DDAH1: variants seen among roughly 807,000 people sequenced by gnomAD.
The protein encoded by DDAH1 is dimethylarginine dimethylaminohydrolase 1.
A neutral mutation model predicts 28.8 loss-of-function variants in DDAH1; 19 were observed. The ratio of observed to expected loss-of-function variants is 0.66; its 90% CI spans 0.46 to 0.97. The LOEUF is 0.97. DDAH1 is among the 50% of genes least tolerant of loss of function. DDAH1 has a pLI of 0.00. For synonymous variants in DDAH1, 153 were observed against 154.4 expected (o/e 0.99, Z 0.07); for missense variants, 326 against 375.9 (o/e 0.87, Z 1.10).
intron 1 of DDAH1, among the ~76,000 whole-genome samples, chr1:85,440,305 G>A (rs1654134442): frequency 6.6e-6 from 1 of 152,114 alleles, no homozygotes; most frequent in African/African-American, 2.4e-5. Context: ...TTAGCGGGGT[G>A]AGCCCTGAGT....
intron 1 of DDAH1, among the ~76,000 whole-genome samples, chr1:85,429,911 T>C (rs1461914327): frequency 6.6e-6 from 1 of 152,194 alleles, no homozygotes; most frequent in Non-Finnish European, 1.5e-5. Context: ...ATTAGCCCTT[T>C]GTCAGATGGA....
rs111937183 is a variant in DDAH1, at chr1:85,454,284, T to C, written c.303+10459A>G. The stretch of plus-strand genomic sequence containing the variant: ...GTGAAGCTGACAATCTTCCCCCTCT[T>C]CATGTTCCCCGATCACACCTACCAG... On this transcript the variant is annotated intron_variant, in intron 1 of 5. Transcript: ENST00000284031. Among the ~76,000 whole-genome samples, 160 of 152,294 alleles carry C rather than the reference T, an allele frequency of 1.1e-3. 2 individuals are homozygous for C. The highest frequency in any genetic ancestry group is 0.01 in the Middle Eastern group (3 of 294).
At chr1:85,351,330 A>G (rs1390115957) in intron 3 of DDAH1, among the ~76,000 whole-genome samples, 176 bp downstream of exon 3, 1 of 152,198 alleles carries the variant, frequency 6.6e-6, no homozygotes, top group Non-Finnish European at 1.5e-5. Context: ...AAGCTGAATT[A>G]TTGAGGAATT....
At chr1:85,530,349 G>A (rs1658050318) in intron 1 of DDAH1, among the ~76,000 whole-genome samples, 1 of 152,216 alleles carries the variant, frequency 6.6e-6, no homozygotes, top group Admixed American at 6.5e-5. Flanking sequence ...TGCCGTCACT[G>A]TCCTAAGTAT....
chr1:85,486,687 T>C (rs368966132), intron 2 of DDAH1, among the ~76,000 whole-genome samples: 9 of 152,248 alleles, frequency 5.9e-5, no homozygotes, highest in African/African-American at 2.2e-4. Flanking sequence ...ATCTCAATGG[T>C]GTGCAATAAA....
intron 1 of DDAH1, among the ~76,000 whole-genome samples, chr1:85,508,627 C>T (rs1337182813): frequency 2.6e-5 from 4 of 152,370 alleles, no homozygotes; most frequent in Non-Finnish European, 4.4e-5. Context: ...AAATACTGGG[C>T]TTTTCCCAAG....
At chr1:85,394,237 C>G (rs1015687776) in intron 1 of DDAH1, among the ~76,000 whole-genome samples, 2 of 152,100 alleles carry the variant, frequency 1.3e-5, no homozygotes, top group Non-Finnish European at 2.9e-5. Flanking sequence ...AGGTTAATTC[C>G]ACAAGACTGG....
At chr1:85,347,209 G>A (rs1169932400) in intron 4 of DDAH1, among the ~76,000 whole-genome samples, 17 of 152,322 alleles carry the variant, frequency 1.1e-4, no homozygotes, top group Admixed American at 2.6e-4. Context: ...ACAGTGTGGC[G>A]ATTCCTCAAG....
chr1:85,439,109 G>A lies in DDAH1; in HGVS notation c.303+25634C>T, dbSNP rs549342549. Among the ~76,000 whole-genome samples the A allele has an allele frequency of 1.1e-3, 162 of 152,262 alleles. 1 individual carries two copies. Among genetic ancestry groups the A allele is most frequent in the African/African-American group, 3.8e-3 (158 of 41,550 alleles). On this transcript the variant is annotated intron_variant, in intron 1 of 5. Transcript: ENST00000284031. ...AGCTGATAAAAATGCTTAATTAATG[G>A]TGACTATTATAATCAGTCATTGTTA...
chr1:85,484,040 G>T (rs1382865675), intron 2 of DDAH1, among the ~76,000 whole-genome samples: 2 of 152,096 alleles, frequency 1.3e-5, no homozygotes, highest in Non-Finnish European at 2.9e-5. Context: ...ATATCAAGAA[G>T]TATGTGGGTC....
chr1:85,542,525 C>T (rs1380993754), intron 1 of DDAH1, among the ~76,000 whole-genome samples: 1 of 152,130 alleles, frequency 6.6e-6, no homozygotes, highest in Non-Finnish European at 1.5e-5. Context: ...CTAAAAATTT[C>T]CCAACACCAT....
chr1:85,332,680 G>A, intron 4 of DDAH1, among the ~76,000 whole-genome samples: 1 of 152,130 alleles, frequency 6.6e-6, no homozygotes, highest in East Asian at 1.9e-4. Flanking sequence ...GTTGACCCAG[G>A]TGCATATGCA....
chr1:85,347,372 T>C (rs1185996467), intron 4 of DDAH1, among the ~76,000 whole-genome samples: 1 of 152,168 alleles, frequency 6.6e-6, no homozygotes, highest in Non-Finnish European at 1.5e-5. Flanking sequence ...AACCCAAATG[T>C]CCATCAATGA....
chr1:85,575,292 T>C (rs1200092452), intron 1 of DDAH1, among the ~76,000 whole-genome samples: 1 of 152,176 alleles, frequency 6.6e-6, no homozygotes, highest in Non-Finnish European at 1.5e-5. Context: ...GGGTCCACAG[T>C]GAACACCCAG....
At chr1:85,503,734 T>C (rs1247226017) in intron 1 of DDAH1, among the ~76,000 whole-genome samples, 4 of 151,920 alleles carry the variant, frequency 2.6e-5, no homozygotes, top group African/African-American at 9.7e-5. Flanking sequence ...TGGACAGTGG[T>C]AAGTGATGAG....
intron 1 of DDAH1, among the ~76,000 whole-genome samples, chr1:85,419,032 AAATCAGTTAAGTAGGATCTGT>A (rs1372504058): frequency 1.3e-5 from 2 of 152,166 alleles, no homozygotes; most frequent in African/African-American, 4.8e-5. Flanking sequence ...CTAGCTGGAC[AAATCAGTTAAGTAGGATCTGT>A]AATCAACGTA....
intron 1 of DDAH1, among the ~76,000 whole-genome samples, chr1:85,383,405 G>C (rs1317919010): frequency 6.6e-6 from 1 of 152,228 alleles, no homozygotes; most frequent in Non-Finnish European, 1.5e-5. Flanking sequence ...AACTTGAATG[G>C]ATGAGGAGTT....
At chr1:85,547,152 C>CAGT (rs1658650999) in intron 1 of DDAH1, among the ~76,000 whole-genome samples, 1 of 152,118 alleles carries the variant, frequency 6.6e-6, no homozygotes, top group Admixed American at 6.6e-5. Flanking sequence ...GTACTGGAAC[C>CAGT]ACCACTCACT....
chr1:85,489,996 T>C (rs551503921), intron 2 of DDAH1, among the ~76,000 whole-genome samples: 341 of 152,310 alleles, frequency 2.2e-3, no homozygotes, highest in Non-Finnish European at 4.3e-3. Flanking sequence ...TTCCCAAATA[T>C]GATCTCATTT....
Sources: gnomAD v4.1 joint callset for allele counts (sites outside exome capture counted in the v4.1 genomes callset) on GRCh38, gnomAD v4.1.1 for gene constraint, MANE v1.5 for transcripts, NCBI Gene and HGNC (gene_info 2026-07-23, HGNC 2026-07-21) for gene names.